CES5A: variants seen among roughly 807,000 people sequenced by gnomAD.
CES5A encodes the protein carboxylesterase 5A.
In CES5A, 67 loss-of-function variants were observed where a neutral mutation model predicts 62.9. That is an observed-to-expected ratio of 1.07 (90% CI 0.88 to 1.31). The LOEUF is 1.31. Among genes scored for constraint, CES5A ranks in the 50% most tolerant of loss-of-function variants. CES5A has a pLI of 0.00. For synonymous variants in CES5A, 296 were observed against 280.8 expected (o/e 1.05, Z -0.54); for missense variants, 748 against 708.5 (o/e 1.06, Z -0.63).
intron 1 of CES5A, among the ~76,000 whole-genome samples, chr16:55,902,473 C>T (rs2034000195): frequency 6.6e-6 from 1 of 152,166 alleles, no homozygotes; most frequent in African/African-American, 2.4e-5. Context: ...TTTACCACTT[C>T]CTAACCATCA....
At chr16:55,890,111 C>G (rs2033860939) in intron 1 of CES5A, among the ~76,000 whole-genome samples, 1 of 151,960 alleles carries the variant, frequency 6.6e-6, no homozygotes, top group African/African-American at 2.4e-5. Flanking sequence ...GTCTTGCAAG[C>G]ACCCAAGAAG....
chr16:55,889,136 GAA>G (rs78024268), intron 1 of CES5A, among the ~76,000 whole-genome samples: 2 of 131,782 alleles, frequency 1.5e-5, no homozygotes, highest in Non-Finnish European at 1.6e-5. Flanking sequence ...CTAAGACATA[GAA>G]AAAAAAAAAA....
upstream of CES5A, among the ~76,000 whole-genome samples, chr16:55,879,352 C>T (rs920215738): frequency 1.6e-4 from 25 of 151,960 alleles, no homozygotes; most frequent in African/African-American, 6.0e-4. Context: ...CATTGTACTA[C>T]ATCACTGTAC....
intron 1 of CES5A, among the ~76,000 whole-genome samples, chr16:55,903,157 C>A (rs2034007750): frequency 6.6e-6 from 1 of 152,038 alleles, no homozygotes. Flanking sequence ...GCTCATACAT[C>A]CAAAGATACT....
chr16:55,938,917 G>C (rs1034862385), intron 2 of CES5A, among the ~76,000 whole-genome samples: 1 of 150,072 alleles, frequency 6.7e-6, no homozygotes, highest in African/African-American at 2.5e-5. Context: ...TAATGCAGAG[G>C]AAGTGGGGTG....
intron 6 of CES5A, among the ~76,000 whole-genome samples, chr16:55,863,072 A>G (rs1723750056): frequency 1.3e-5 from 2 of 152,204 alleles, no homozygotes; most frequent in Admixed American, 6.5e-5. Context: ...CAGGGGACTG[A>G]CTTATCTATC....
chr16:55,857,964 G>A lies in CES5A; in HGVS notation c.1057-1519C>T, dbSNP rs1214464743. Among the ~76,000 whole-genome samples the A allele has an allele frequency of 3.5e-4, 54 of 152,230 alleles. 1 individual carries two copies. Among genetic ancestry groups the A allele is most frequent in the African/African-American group, 1.3e-3 (52 of 41,460 alleles). ...AATTCCAGCACTTTGGGAGGCCAAA[G>A]CAGGTGGATCACTTGAGGTCAGGAG... On this transcript the variant is annotated intron_variant, in intron 8 of 12. Transcript: ENST00000290567.
chr16:55,917,672 A>T (rs2034161207), intron 1 of CES5A, among the ~76,000 whole-genome samples: 1 of 152,212 alleles, frequency 6.6e-6, no homozygotes, highest in African/African-American at 2.4e-5. Flanking sequence ...AACAGAAGCC[A>T]TGGTTGTAAG....
intron 1 of CES5A, among the ~76,000 whole-genome samples, chr16:55,888,818 G>A (rs2033843142): frequency 6.6e-6 from 1 of 152,124 alleles, no homozygotes; most frequent in African/African-American, 2.4e-5. Flanking sequence ...TCACAGAGCT[G>A]GTCTTCAAAT....
intron 1 of CES5A, among the ~76,000 whole-genome samples, chr16:55,907,557 A>T (rs1018614539): frequency 1.3e-5 from 2 of 152,216 alleles, no homozygotes; most frequent in Non-Finnish European, 2.9e-5. Context: ...ATGCTAAGAA[A>T]CAGAAATGTC....
upstream of CES5A, among the ~76,000 whole-genome samples, chr16:55,926,055 A>T (rs1255982043): frequency 6.6e-6 from 1 of 152,170 alleles, no homozygotes; most frequent in East Asian, 1.9e-4. Context: ...AGTGTTTGCT[A>T]GATCTGTAGA....
chr16:55,877,427 T>C (rs1256067332), upstream of CES5A, among the ~76,000 whole-genome samples: 9 of 148,324 alleles, frequency 6.1e-5, no homozygotes, highest in South Asian at 8.7e-4. Flanking sequence ...TGTGTATATA[T>C]ATATATGTGT....
At chr16:55,938,791 T>TACAC (rs1567362395) in intron 2 of CES5A, among the ~76,000 whole-genome samples, 27 of 64,470 alleles carry the variant, frequency 4.2e-4, no homozygotes, top group African/African-American at 1.6e-3. Flanking sequence ...TATATATATA[T>TACAC]ATATATACAC....
upstream of CES5A, among the ~76,000 whole-genome samples, chr16:55,929,391 G>A (rs77460044): frequency 0.011 from 1,723 of 152,236 alleles, 58 homozygotes; most frequent in East Asian, 0.094. Flanking sequence ...AAGAGGGGGC[G>A]AGCAGCATGC....
At chr16:55,906,632 T>G (rs3848305) in intron 1 of CES5A, among the ~76,000 whole-genome samples, 68,839 of 152,148 alleles carry the variant, frequency 0.45, 16,042 homozygotes, top group Non-Finnish European at 0.5. Flanking sequence ...AACACCAGCA[T>G]TATGATGTGC....
intron 1 of CES5A, among the ~76,000 whole-genome samples, chr16:55,907,936 T>G (rs1457597469): frequency 1.3e-5 from 2 of 152,176 alleles, no homozygotes; most frequent in African/African-American, 4.8e-5. Flanking sequence ...CTTCCCTCTT[T>G]CTGTCCCACT....
At position 55,913,296 on chromosome 16, in the gene CES5A, G is replaced by A. The variant is rs370725604; in HGVS notation, c.-256+12027C>T. Among the ~76,000 whole-genome samples the A allele has an allele frequency of 1.8e-4, 28 of 152,216 alleles. No individual in the cohort carries two copies. The South Asian group carries it at 5.4e-3, about 29-fold the overall frequency. On this transcript the variant is annotated intron_variant, in intron 1 of 12. Coordinates refer to the CES5A transcript ENST00000518005. ...GCAGAACTGGTTGAGCCAGATTGCC[G>A]GTCTGGGTGGTGTCAGCTGATCCAT...
intron 2 of CES5A, chr16:55,944,508 A>C (rs1420589749): frequency 1.3e-5 from 2 of 159,694 alleles, no homozygotes; most frequent in Non-Finnish European, 2.7e-5. Flanking sequence ...TCTGGAAAAA[A>C]GGGTGTGGGA....
At chr16:55,872,610 C>T (rs1484446008) in intron 2 of CES5A, among the ~76,000 whole-genome samples, 1 of 152,234 alleles carries the variant, frequency 6.6e-6, no homozygotes, top group Non-Finnish European at 1.5e-5. Flanking sequence ...ACTGTGTACG[C>T]AATCAATTCT....
Sources: gnomAD v4.1 joint callset for allele counts (sites outside exome capture counted in the v4.1 genomes callset) on GRCh38, gnomAD v4.1.1 for gene constraint, MANE v1.5 for transcripts, NCBI Gene and HGNC (gene_info 2026-07-23, HGNC 2026-07-21) for gene names.